SH3GL3: variants seen among roughly 807,000 people sequenced by gnomAD.
SH3GL3 encodes endophilin-A3.
In SH3GL3, 33 loss-of-function variants were observed where a neutral mutation model predicts 47.7. That is an observed-to-expected ratio of 0.69 (90% CI 0.52 to 0.92). The LOEUF (loss-of-function observed/expected upper bound fraction) is 0.92, where lower values mean the gene tolerates loss of function less well. SH3GL3 is among the 40% of genes least tolerant of loss of function. The pLI is 0.00. For missense variants in SH3GL3, 363 were observed against 417.8 expected (o/e 0.87, Z 1.14); for synonymous variants, 155 against 148.8 (o/e 1.04, Z -0.30).
the SH3GL3 span, among the ~76,000 whole-genome samples, chr15:83,624,889 C>T: frequency 6.6e-6 from 1 of 152,124 alleles, no homozygotes; most frequent in East Asian, 1.9e-4. Context: ...GATTCAGGCC[C>T]GAAGTGTTCC....
At chr15:83,565,539 AT>A (rs550054152) in intron 3 of SH3GL3, 2 of 216,190 alleles carry the variant, frequency 9.3e-6, no homozygotes, top group Non-Finnish European at 1.8e-5. Context: ...CCTCTTTATA[AT>A]TTTTTTAAAA....
chr15:83,613,649 ATCTATC>A (rs2060732847), intron 8 of SH3GL3, among the ~76,000 whole-genome samples: 1 of 151,984 alleles, frequency 6.6e-6, no homozygotes, highest in African/African-American at 2.4e-5. Flanking sequence ...CTATCTATCT[ATCTATC>A]TATCTATCTA....
intron 1 of SH3GL3, among the ~76,000 whole-genome samples, chr15:83,525,097 A>G (rs1403459330): frequency 2.0e-5 from 3 of 152,150 alleles, no homozygotes; most frequent in African/African-American, 4.8e-5. Flanking sequence ...GTTTTCCATA[A>G]TGGCTGTATT....
intron 1 of SH3GL3, among the ~76,000 whole-genome samples, chr15:83,543,577 A>G (rs896413278): frequency 3.3e-5 from 5 of 151,962 alleles, no homozygotes; most frequent in African/African-American, 1.2e-4. Flanking sequence ...TAGGATTTGT[A>G]TTAGTTCCTC....
At chr15:83,490,875 T>C (rs1470372934) in intron 1 of SH3GL3, 1 of 1,614,194 alleles carries the variant, frequency 6.2e-7, no homozygotes, top group South Asian at 1.1e-5. Flanking sequence ...ATCAAGCTAA[T>C]AGGTGCCTTA....
chr15:83,512,083 G>A (rs1361372195), intron 1 of SH3GL3, among the ~76,000 whole-genome samples: 1 of 151,994 alleles, frequency 6.6e-6, no homozygotes, highest in Non-Finnish European at 1.5e-5. Flanking sequence ...AGGTAAGGGG[G>A]GCCTTGACAG....
intron 1 of SH3GL3, among the ~76,000 whole-genome samples, chr15:83,558,027 A>G (rs1001061314): frequency 2.0e-5 from 3 of 152,232 alleles, no homozygotes; most frequent in African/African-American, 7.2e-5. Context: ...TAATAGTAGT[A>G]GTAACTACAC....
intron 8 of SH3GL3, among the ~76,000 whole-genome samples, chr15:83,590,138 T>A (rs2060056936): frequency 6.6e-6 from 1 of 152,208 alleles, no homozygotes; most frequent in Non-Finnish European, 1.5e-5. Context: ...CTTATTGTTT[T>A]ATAGGAGCTC....
chr15:83,588,681 G>A lies in SH3GL3; in HGVS notation c.748G>A (p.Val250Ile), dbSNP rs1281341299. Residue 250 changes from valine to isoleucine, a missense_variant, in exon 8 of 9, where the codon GTC becomes ATC. Coordinates refer to ENST00000427482, the MANE Select transcript of SH3GL3 (RefSeq NM_003027.5). The stretch of plus-strand genomic sequence containing the variant: ...TTACAGAATATCAGCTGCATCCAGT[G>A]TCCCCAGACGAGAATACAAGCCAAG... The part of the protein sequence containing the change: ...LQMRISAASS[V>I]PRREYKPRPV... 1.2e-6 allele frequency: 2 copies of A among 1,608,992 alleles called. No individual in the cohort carries two copies. Among genetic ancestry groups the A allele is most frequent in the African/African-American group, 2.7e-5 (2 of 74,826 alleles).
intron 1 of SH3GL3, among the ~76,000 whole-genome samples, chr15:83,514,836 C>G (rs1040681518): frequency 6.6e-6 from 1 of 152,112 alleles, no homozygotes; most frequent in Admixed American, 6.5e-5. Context: ...GCTTGTTGGG[C>G]GTGTCAGGCT....
chr15:83,489,471 C>T (rs542599304), intron 1 of SH3GL3, among the ~76,000 whole-genome samples: 64 of 152,296 alleles, frequency 4.2e-4, no homozygotes, highest in African/African-American at 1.5e-3. Flanking sequence ...CCCTAACCAC[C>T]CCACCTCCCG....
the SH3GL3 span, among the ~76,000 whole-genome samples, chr15:83,628,108 C>G: frequency 6.6e-6 from 1 of 152,160 alleles, no homozygotes; most frequent in African/African-American, 2.4e-5. Flanking sequence ...GCAGGCTGCC[C>G]AGCTTCTAAG....
At chr15:83,583,708 G>A (rs566569916) in intron 6 of SH3GL3, among the ~76,000 whole-genome samples, 19 of 152,176 alleles carry the variant, frequency 1.2e-4, no homozygotes, top group Admixed American at 3.3e-4. Context: ...ACACACGTGT[G>A]TCACTTGTGG....
chr15:83,553,766 C>T (rs1045758827), intron 1 of SH3GL3, among the ~76,000 whole-genome samples: 3 of 152,142 alleles, frequency 2.0e-5, no homozygotes, highest in Non-Finnish European at 4.4e-5. Flanking sequence ...TTCCCCATTT[C>T]TGTGTTATTA....
chr15:83,495,882 T>G (rs931258127), intron 1 of SH3GL3, among the ~76,000 whole-genome samples: 4 of 152,166 alleles, frequency 2.6e-5, no homozygotes, highest in Non-Finnish European at 5.9e-5. Context: ...TAAGTACAAA[T>G]TTTTATATGT....
chr15:83,490,594 A>G (rs927830410), intron 1 of SH3GL3, among the ~76,000 whole-genome samples: 7 of 152,166 alleles, frequency 4.6e-5, no homozygotes, highest in Non-Finnish European at 7.3e-5. Flanking sequence ...GTGATGTCAC[A>G]GTTGGCCCCC....
intron 8 of SH3GL3, among the ~76,000 whole-genome samples, chr15:83,610,519 GAC>G (rs2060631800): frequency 6.6e-6 from 1 of 151,812 alleles, no homozygotes; most frequent in African/African-American, 2.4e-5. Context: ...AACAGAGCAA[GAC>G]AGTCTCAAAA....
At chr15:83,462,058 A>G (rs990738674) in intron 1 of SH3GL3, among the ~76,000 whole-genome samples, 1 of 152,228 alleles carries the variant, frequency 6.6e-6, no homozygotes, top group Non-Finnish European at 1.5e-5. Context: ...GGAATTTTTA[A>G]ATAGAATTAC....
At chr15:83,523,324 C>T (rs1281644111) in intron 1 of SH3GL3, among the ~76,000 whole-genome samples, 1 of 152,118 alleles carries the variant, frequency 6.6e-6, no homozygotes, top group Non-Finnish European at 1.5e-5. Flanking sequence ...TGTAGAGACA[C>T]CTGCCCCTCA....
Sources: allele counts gnomAD v4.1 joint callset (sites outside exome capture counted in the v4.1 genomes callset), GRCh38; gene constraint gnomAD v4.1.1; transcripts MANE v1.5; gene names NCBI Gene and HGNC (gene_info 2026-07-23, HGNC 2026-07-21).